The following CNTLN variants were observed in gnomAD, a reference collection of about 807,000 sequenced individuals.
CNTLN encodes the protein centlein, also known as centlein, centrosomal protein.
A neutral mutation model predicts 180.0 loss-of-function variants in CNTLN; 212 were observed. That is an observed-to-expected ratio of 1.18 (90% confidence interval 1.05 to 1.32). The LOEUF is 1.32. CNTLN is among the 40% of genes most tolerant of loss of function. The pLI is 0.00. For synonymous variants in CNTLN, 722 were observed against 563.1 expected, an observed-to-expected ratio of 1.28 and a Z score of -3.99; for missense variants, 2,095 against 1,610.9, an observed-to-expected ratio of 1.30 and a Z score of -5.14.
At chr9:17,175,712 A>G (rs1820677252) in intron 2 of CNTLN, among the ~76,000 whole-genome samples, 1 of 151,758 alleles carries the variant, frequency 6.6e-6, no homozygotes, top group Non-Finnish European at 1.5e-5. Flanking sequence ...CCTAGATATC[A>G]ATTTGGGGGA....
intron 7 of CNTLN, among the ~76,000 whole-genome samples, chr9:17,307,055 C>CT (rs1335021191): frequency 6.6e-6 from 1 of 152,118 alleles, no homozygotes; most frequent in Non-Finnish European, 1.5e-5. Flanking sequence ...GGTTCCTACT[C>CT]TTTCTTGCCT....
At chr9:17,198,060 A>G (rs892482275) in intron 2 of CNTLN, among the ~76,000 whole-genome samples, 1 of 151,888 alleles carries the variant, frequency 6.6e-6, no homozygotes, top group Non-Finnish European at 1.5e-5. Context: ...GTATGCCTAT[A>G]TTTCTGAGTT....
intron 16 of CNTLN, among the ~76,000 whole-genome samples, chr9:17,411,057 A>G (rs906179573): frequency 3.3e-5 from 5 of 152,246 alleles, no homozygotes; most frequent in East Asian, 1.9e-4. Context: ...TAGTGACTCT[A>G]TTAACCTAAA....
chr9:17,313,429 T>A (rs1819341384), intron 8 of CNTLN, among the ~76,000 whole-genome samples: 1 of 151,656 alleles, frequency 6.6e-6, no homozygotes, highest in Non-Finnish European at 1.5e-5. Context: ...TTTTTTTTAA[T>A]CTAAAAGTTT....
chr9:17,505,582 A>T (rs533412985), downstream of CNTLN, among the ~76,000 whole-genome samples: 3 of 152,284 alleles, frequency 2.0e-5, no homozygotes, highest in African/African-American at 7.2e-5. Flanking sequence ...CCTGCAAAAC[A>T]TGCATAGTAC....
At chr9:17,282,362 T>C (rs1245563610) in intron 6 of CNTLN, among the ~76,000 whole-genome samples, 1 of 152,206 alleles carries the variant, frequency 6.6e-6, no homozygotes, top group African/African-American at 2.4e-5. Flanking sequence ...TTTTTTGATA[T>C]GTTTGTTGGC....
At chr9:17,149,516 T>C (rs796785000) in intron 2 of CNTLN, among the ~76,000 whole-genome samples, 100 of 138,772 alleles carry the variant, frequency 7.2e-4, no homozygotes, top group Admixed American at 1.2e-3. Context: ...TTCTTTCTTT[T>C]TTTTTTTTTT....
the CNTLN span, among the ~76,000 whole-genome samples, chr9:17,527,743 G>A: frequency 2.6e-5 from 4 of 152,098 alleles, no homozygotes; most frequent in African/African-American, 9.7e-5. Flanking sequence ...CAGGGCTCTT[G>A]GGAGAAATGG....
At chr9:17,247,224 G>C (rs964286329) in intron 5 of CNTLN, among the ~76,000 whole-genome samples, 3 of 151,972 alleles carry the variant, frequency 2.0e-5, no homozygotes, top group Non-Finnish European at 4.4e-5. Context: ...AATCCTTGTG[G>C]CCTAGACTGC....
rs933807418 is a variant in CNTLN at position 17,503,853 on chromosome 9, A to G, written c.*1201A>G. On this transcript the variant is annotated 3_prime_UTR_variant, in exon 26 of 26. Transcript: ENST00000380647. ...TTTAAAAAATCAAAAGGAGAATAATATTTTGTAGCATGTGAAAATTATATA... is the reference window on the plus strand; with the variant it reads ...TTTAAAAAATCAAAAGGAGAATAATGTTTTGTAGCATGTGAAAATTATATA... 4 of 152,662 alleles carry G rather than the reference A, an allele frequency of 2.6e-5. No individual in the cohort carries two copies. Among genetic ancestry groups the G allele is most frequent in the African/African-American group, 9.6e-5 (4 of 41,460 alleles). The allele number at this position is 152,662 out of a possible 1,614,324, so 9.5% of individuals were successfully genotyped here. A position where few individuals can be genotyped will look rare whatever the true frequency, so the allele number is the denominator to read the frequency against.
Position 17,388,859 on chromosome 9 carries a change from A to G in CNTLN, c.2079+606A>G, listed in dbSNP as rs546596088. Among the ~76,000 whole-genome samples, 9 of 151,952 alleles carry G rather than the reference A, an allele frequency of 5.9e-5. No individual in the cohort carries two copies. In the East Asian group the frequency reaches 1.7e-3, roughly 29 times the overall value. On this transcript the variant is annotated intron_variant, in intron 14 of 25. Transcript: ENST00000380647. ...TTTTAAAATATTAATATTTACCTTT[A>G]TAATTTTATACTTAATTTGCATTTT...
intron 24 of CNTLN, among the ~76,000 whole-genome samples, chr9:17,486,025 C>G (rs1313687159): frequency 6.6e-6 from 1 of 152,104 alleles, no homozygotes; most frequent in Non-Finnish European, 1.5e-5. Context: ...GTCACACAAT[C>G]TTAAATCAAG....
chr9:17,279,556 G>T (rs574636056), intron 6 of CNTLN, among the ~76,000 whole-genome samples: 4 of 151,644 alleles, frequency 2.6e-5, no homozygotes, highest in African/African-American at 9.7e-5. Context: ...GCTCCAGTTT[G>T]GTTCTTAGAA....
chr9:17,235,143 C>T (rs1018190818), intron 3 of CNTLN, among the ~76,000 whole-genome samples: 11 of 152,058 alleles, frequency 7.2e-5, no homozygotes, highest in Non-Finnish European at 1.6e-4. Context: ...GAAGAATGTT[C>T]GGTTAAAAAT....
At chr9:17,298,438 G>T (rs567907323) in intron 7 of CNTLN, 86 bp downstream of exon 7, 1 of 1,314,794 alleles carries the variant, frequency 7.6e-7, no homozygotes, top group Non-Finnish European at 9.8e-7. Flanking sequence ...TCAAATTTCA[G>T]CATTTAATTT....
At chr9:17,199,710 T>C (rs1205092606) in intron 2 of CNTLN, among the ~76,000 whole-genome samples, 1 of 152,144 alleles carries the variant, frequency 6.6e-6, no homozygotes, top group Non-Finnish European at 1.5e-5. Flanking sequence ...GTAAATCTGT[T>C]TTGAGTTCCT....
intron 12 of CNTLN, among the ~76,000 whole-genome samples, chr9:17,359,746 A>AAAAAC (rs1823193381): frequency 1.5e-5 from 2 of 129,838 alleles, no homozygotes; most frequent in African/African-American, 2.7e-5. Context: ...AAAAAAAAAA[A>AAAAAC]AAAACTAGCT....
chr9:17,246,063 G>C (rs1416335844), intron 5 of CNTLN, among the ~76,000 whole-genome samples: 3 of 152,024 alleles, frequency 2.0e-5, no homozygotes, highest in African/African-American at 7.2e-5. Context: ...ATTTGGTGAG[G>C]TCATGTTTTC....
At chr9:17,312,664 A>G (rs1317009539) in intron 8 of CNTLN, among the ~76,000 whole-genome samples, 2 of 150,288 alleles carry the variant, frequency 1.3e-5, no homozygotes, top group African/African-American at 2.4e-5. Flanking sequence ...CCGCCTCCCA[A>G]AGTGCTGGGA....
Sources: allele counts gnomAD v4.1 joint callset (sites outside exome capture counted in the v4.1 genomes callset), GRCh38; gene constraint gnomAD v4.1.1; transcripts MANE v1.5; gene names NCBI Gene and HGNC (gene_info 2026-07-23, HGNC 2026-07-21).